Variants in HTR1F observed in about 807,000 individuals in gnomAD.
HTR1F encodes 5-hydroxytryptamine receptor 1F.
A neutral mutation model predicts 24.0 loss-of-function variants in HTR1F; 17 were observed. The observed-to-expected ratio is 0.71, with a 90% confidence interval of 0.48 to 1.06. The LOEUF (loss-of-function observed/expected upper bound fraction) is 1.06, where lower values mean the gene tolerates loss of function less well. Among genes scored for constraint, HTR1F ranks in the 50% least tolerant of loss-of-function variants. The pLI, the probability that HTR1F is intolerant of heterozygous loss-of-function variation, is 0.00. For synonymous variants in HTR1F, 186 were observed against 156.8 expected, an observed-to-expected ratio of 1.19 and a Z score of -1.39; for missense variants, 391 against 427.8, an observed-to-expected ratio of 0.91 and a Z score of 0.76.
chr3:87,945,615 AAAGCGGAAGC>A (rs1222208495), intron 2 of HTR1F, among the ~76,000 whole-genome samples: 16 of 152,124 alleles, frequency 1.1e-4, no homozygotes, highest in Admixed American at 1.0e-3. Context: ...AAGAAAATTG[AAAGCGGAAGC>A]TGGTTCTAGG....
At chr3:87,918,309 G>A (rs1330229847) in intron 2 of HTR1F, among the ~76,000 whole-genome samples, 2 of 151,888 alleles carry the variant, frequency 1.3e-5, no homozygotes, top group Non-Finnish European at 2.9e-5. Context: ...AGAACTGGAA[G>A]AAGACAAGGA....
Position 87,993,551 on chromosome 3 carries a change from A to C in HTR1F, c.*1701A>C, listed in dbSNP as rs1322854044. ...TATCTAGAACACATGTCAAATACAC[A>C]GCACTGGGGCAAGAAAAATGGAAGA... On this transcript the variant is annotated 3_prime_UTR_variant, in exon 3 of 3. Transcript: ENST00000319595. 1 of 167,070 alleles carries C rather than the reference A, an allele frequency of 6.0e-6. No homozygotes were observed. Among genetic ancestry groups the C allele is most frequent in the Admixed American group, 6.5e-5 (1 of 15,282 alleles). 10.3% of individuals were successfully genotyped at this position (167,070 alleles called of 1,614,324 possible). A position where few individuals can be genotyped will look rare whatever the true frequency, so the allele number is the denominator to read the frequency against.
chr3:87,817,306 TA>T (rs1263105758), intron 1 of HTR1F, among the ~76,000 whole-genome samples: 1 of 152,194 alleles, frequency 6.6e-6, no homozygotes, highest in Non-Finnish European at 1.5e-5. Flanking sequence ...TCTTAGATTT[TA>T]AATTCTTGAA....
At position 87,878,343 on chromosome 3, in the gene HTR1F, C is replaced by A. The variant is rs1043110233; in HGVS notation, c.-43+56219C>A. On this transcript the variant is annotated intron_variant, in intron 2 of 2. Transcript: ENST00000319595. ...TCCAGAGCAGCAATCCCAGAAGAAGCCTGGTAGACCCAGGAAGTAAATGCT... is the reference window on the plus strand; with the variant it reads ...TCCAGAGCAGCAATCCCAGAAGAAGACTGGTAGACCCAGGAAGTAAATGCT... Among the ~76,000 whole-genome samples, 5 of 152,068 alleles carry A rather than the reference C, an allele frequency of 3.3e-5. 1 individual carries two copies. The South Asian group carries it at 8.3e-4, about 25-fold the overall frequency.
intron 2 of HTR1F, among the ~76,000 whole-genome samples, chr3:87,828,128 A>T (rs986011408): frequency 3.3e-5 from 5 of 152,256 alleles, no homozygotes; most frequent in Admixed American, 1.3e-4. Flanking sequence ...TTATTTTGTT[A>T]TAAGATCGTT....
At chr3:87,917,594 C>T (rs569798956) in intron 2 of HTR1F, among the ~76,000 whole-genome samples, 11 of 151,886 alleles carry the variant, frequency 7.2e-5, no homozygotes, top group Admixed American at 6.6e-4. Flanking sequence ...ACTTTATGTG[C>T]ATAAACTAGA....
intron 2 of HTR1F, among the ~76,000 whole-genome samples, chr3:87,932,068 T>G (rs573836931): frequency 6.6e-6 from 1 of 152,356 alleles, no homozygotes; most frequent in South Asian, 2.1e-4. Context: ...ATTTGTCAGT[T>G]TTGGCTTTTG....
At chr3:87,911,934 A>G (rs1157795389) in intron 2 of HTR1F, among the ~76,000 whole-genome samples, 9 of 152,196 alleles carry the variant, frequency 5.9e-5, no homozygotes, top group African/African-American at 2.2e-4. Flanking sequence ...AATGAGAGCC[A>G]TCTATAACAA....
chr3:87,991,365 A>G lies in HTR1F; in HGVS notation c.616A>G (p.Arg206Gly), dbSNP rs200052855. 5.0e-6 allele frequency: 8 copies of G among 1,613,978 alleles called. No homozygotes were observed. Among genetic ancestry groups the G allele is most frequent in the Non-Finnish European group, 6.8e-6 (8 of 1,180,000 alleles). ...LILILYYKIY[R>G]AAKTLYHKRQ... ...TTTGATCCTTTACTACAAAATATAT[A>G]GAGCAGCAAAGACATTATACCACAA... The change falls in exon 3 of 3, where the codon AGA becomes GGA. Residue 206 changes from arginine to glycine, a missense_variant. Physicochemically the swap from Arg to Gly is moderately radical, Grantham distance 125. Coordinates refer to ENST00000319595, the MANE Select transcript of HTR1F (RefSeq NM_001322209.2).
chr3:87,844,379 GT>G (rs1388490897), intron 2 of HTR1F, among the ~76,000 whole-genome samples: 8 of 133,686 alleles, frequency 6.0e-5, no homozygotes, highest in Non-Finnish European at 9.2e-5. Context: ...GGGGTTGTTT[GT>G]TTTTTTCTTG....
chr3:87,930,399 G>GGTAA (rs1576046144), intron 2 of HTR1F, among the ~76,000 whole-genome samples: 1 of 152,110 alleles, frequency 6.6e-6, no homozygotes, highest in Non-Finnish European at 1.5e-5. Context: ...TTGCCCATTT[G>GGTAA]GTAAGATGTT....
At chr3:87,901,290 TTGAACTCA>T (rs2107325463) in intron 2 of HTR1F, among the ~76,000 whole-genome samples, 1 of 152,068 alleles carries the variant, frequency 6.6e-6, no homozygotes, top group African/African-American at 2.4e-5. Context: ...CTAAGATAAA[TTGAACTCA>T]TGAGATTGGG....
At chr3:87,833,274 G>C (rs2107158167) in intron 2 of HTR1F, among the ~76,000 whole-genome samples, 1 of 152,224 alleles carries the variant, frequency 6.6e-6, no homozygotes, top group South Asian at 2.1e-4. Context: ...CTCCAAACTG[G>C]AACTAGGGAA....
chr3:87,838,856 T>G (rs1468622970), intron 2 of HTR1F, among the ~76,000 whole-genome samples: 3 of 151,970 alleles, frequency 2.0e-5, no homozygotes, highest in Non-Finnish European at 4.4e-5. Flanking sequence ...ATTTGCCCAT[T>G]TTTAAGTAAG....
chr3:87,958,616 T>C (rs1352415752), intron 2 of HTR1F, among the ~76,000 whole-genome samples: 6 of 151,628 alleles, frequency 4.0e-5, no homozygotes, highest in Non-Finnish European at 7.4e-5. Flanking sequence ...CTTTAGAAGA[T>C]TGCTAATGAC....
intron 2 of HTR1F, among the ~76,000 whole-genome samples, chr3:87,873,118 A>G (rs1705594326): frequency 7.1e-6 from 1 of 141,696 alleles, no homozygotes; most frequent in Admixed American, 7.1e-5. Context: ...ACACACACAC[A>G]CACACACACA....
intron 1 of HTR1F, among the ~76,000 whole-genome samples, chr3:87,820,076 A>G (rs1704325687): frequency 6.6e-6 from 1 of 152,168 alleles, no homozygotes; most frequent in Non-Finnish European, 1.5e-5. Flanking sequence ...AAAAGATAAT[A>G]ATAATGAACA....
intron 2 of HTR1F, among the ~76,000 whole-genome samples, chr3:87,967,007 GAATT>G (rs1159496114): frequency 1.3e-5 from 2 of 152,120 alleles, no homozygotes; most frequent in African/African-American, 4.8e-5. Context: ...TTTGCTTACA[GAATT>G]ATTTACATAA....
intron 2 of HTR1F, among the ~76,000 whole-genome samples, chr3:87,977,679 C>A (rs2107505923): frequency 6.6e-6 from 1 of 152,060 alleles, no homozygotes; most frequent in East Asian, 1.9e-4. Flanking sequence ...CCTTGGCCTC[C>A]CAAAGTGCTG....
Sources: gnomAD v4.1 joint callset for allele counts (sites outside exome capture counted in the v4.1 genomes callset) on GRCh38, gnomAD v4.1.1 for gene constraint, MANE v1.5 for transcripts, NCBI Gene and HGNC (gene_info 2026-07-23, HGNC 2026-07-21) for gene names.